The following SRBD1 variants were observed in gnomAD, a reference collection of about 807,000 sequenced individuals.
SRBD1 encodes S1 RNA binding domain 1.
A neutral mutation model predicts 115.3 loss-of-function variants in SRBD1; 88 were observed. That is an observed-to-expected ratio of 0.76 (90% CI 0.64 to 0.91). SRBD1 has a LOEUF of 0.91. Ranked by LOEUF, SRBD1 falls within the 40% of genes least tolerant of loss-of-function variation. The probability of loss-of-function intolerance (pLI) is 0.00; values close to 1 mark genes in which losing one functional copy is unlikely to be tolerated. For missense variants in SRBD1, 1,385 were observed against 1,177.4 expected (o/e 1.18, Z -2.58); for synonymous variants, 509 against 407.7 (o/e 1.25, Z -2.99).
chr2:45,414,757 C>T (rs1476115), intron 18 of SRBD1, among the ~76,000 whole-genome samples: 555 of 48,152 alleles, frequency 0.012, 14 homozygotes, highest in East Asian at 0.032. Context: ...TACACACACA[C>T]AGTGTGTATA....
At chr2:45,402,866 C>T (rs1166419071) in intron 19 of SRBD1, among the ~76,000 whole-genome samples, 1 of 152,116 alleles carries the variant, frequency 6.6e-6, no homozygotes, top group Non-Finnish European at 1.5e-5. Context: ...AAGAGGAAAT[C>T]GGATACCTGC....
intron 18 of SRBD1, among the ~76,000 whole-genome samples, chr2:45,414,597 ATAGT>A (rs751499302): frequency 1.5e-4 from 22 of 145,824 alleles, no homozygotes; most frequent in South Asian, 6.4e-4. Context: ...GTGTGTACAC[ATAGT>A]GTGTATAGTG....
At chr2:45,597,589 G>T (rs62128607) in intron 4 of SRBD1, among the ~76,000 whole-genome samples, 4,759 of 152,230 alleles carry the variant, frequency 0.031, 104 homozygotes, top group Non-Finnish European at 0.049. Flanking sequence ...AGAAGCAGCA[G>T]AAATTGGTGA....
chr2:45,416,440 AAGCTTCATCAAT>A (rs149645826), intron 18 of SRBD1, among the ~76,000 whole-genome samples: 6,896 of 152,278 alleles, frequency 0.045, 306 homozygotes, highest in East Asian at 0.14. Flanking sequence ...GCTTTAAAAT[AAGCTTCATCAAT>A]AAGACACTGA....
In SRBD1 at chr2:45,578,971, T is replaced by C. The variant is rs915942192; in HGVS notation, c.1072+904A>G. Among the ~76,000 whole-genome samples the C allele has an allele frequency of 2.0e-5, 3 of 152,210 alleles. No individual in the cohort carries two copies. In the Middle Eastern group the frequency reaches 0.01, roughly 518 times the overall value. The stretch of plus-strand genomic sequence containing the variant: ...GTATTAATATATGTATATCAAAACA[T>C]CATGTTGCACATGTTAACTATATAA... On this transcript the variant is annotated intron_variant, in intron 7 of 20. Coordinates refer to ENST00000263736, the MANE Select transcript of SRBD1 (RefSeq NM_018079.5).
chr2:45,419,596 T>C (rs572114509), intron 17 of SRBD1, among the ~76,000 whole-genome samples, 192 bp downstream of exon 17: 6 of 152,334 alleles, frequency 3.9e-5, no homozygotes, highest in Non-Finnish European at 5.9e-5. Context: ...ATATTAAAAA[T>C]GATAATGTGA....
chr2:45,598,760 G>C (rs1239728679), intron 4 of SRBD1, among the ~76,000 whole-genome samples: 1 of 152,128 alleles, frequency 6.6e-6, no homozygotes, highest in Non-Finnish European at 1.5e-5. Context: ...GCAAGGGAAA[G>C]AGTACACAAT....
At chr2:45,433,528 C>G (rs1379759325) in intron 16 of SRBD1, among the ~76,000 whole-genome samples, 1 of 152,134 alleles carries the variant, frequency 6.6e-6, no homozygotes, top group Non-Finnish European at 1.5e-5. Context: ...CTTTGATTGA[C>G]ATGTGACAGT....
intron 9 of SRBD1, among the ~76,000 whole-genome samples, chr2:45,563,009 T>TA (rs1410137104): frequency 6.6e-6 from 1 of 152,240 alleles, no homozygotes; most frequent in South Asian, 2.1e-4. Flanking sequence ...TTTGATGATC[T>TA]AAAAATCTCA....
intron 9 of SRBD1, 76 bp from the exon 10 acceptor site, chr2:45,562,832 G>A: frequency 1.2e-6 from 1 of 862,966 alleles, no homozygotes; most frequent in Non-Finnish European, 1.8e-6. Flanking sequence ...GTAGCTGACA[G>A]CTATATGAAT....
At chr2:45,510,716 TC>T (rs1670939647) in intron 14 of SRBD1, among the ~76,000 whole-genome samples, 1 of 152,216 alleles carries the variant, frequency 6.6e-6, no homozygotes, top group Non-Finnish European at 1.5e-5. Flanking sequence ...TCAAATTCTG[TC>T]CCTAAGGATT....
At chr2:45,582,483 A>G (rs900218203) in intron 5 of SRBD1, among the ~76,000 whole-genome samples, 1 of 152,164 alleles carries the variant, frequency 6.6e-6, no homozygotes, top group Non-Finnish European at 1.5e-5. Flanking sequence ...TCTTGTAATT[A>G]TAAGTATTTT....
chr2:45,573,820 A>G (rs1673093944), intron 8 of SRBD1, among the ~76,000 whole-genome samples: 1 of 152,212 alleles, frequency 6.6e-6, no homozygotes, highest in South Asian at 2.1e-4. Flanking sequence ...AACCTGAGCA[A>G]TTATTTTGCT....
chr2:45,588,136 T>C (rs1673604017), intron 4 of SRBD1, among the ~76,000 whole-genome samples: 1 of 152,242 alleles, frequency 6.6e-6, no homozygotes, highest in African/African-American at 2.4e-5. Flanking sequence ...ATCCACTCTG[T>C]CTCATCTATT....
At chr2:45,409,083 G>T (rs534669119) in intron 19 of SRBD1, among the ~76,000 whole-genome samples, 6 of 152,214 alleles carry the variant, frequency 3.9e-5, no homozygotes, top group South Asian at 2.1e-4. Context: ...GCCGGGCATG[G>T]TGGCACAGCA....
intron 9 of SRBD1, among the ~76,000 whole-genome samples, chr2:45,571,398 T>C (rs970598555): frequency 4.6e-5 from 5 of 108,288 alleles, no homozygotes; most frequent in African/African-American, 2.8e-4. Flanking sequence ...ACAAAAATAC[T>C]TAGAAAAGTC....
chr2:45,553,393 T>C (rs1672364935), intron 11 of SRBD1, among the ~76,000 whole-genome samples: 1 of 152,204 alleles, frequency 6.6e-6, no homozygotes. Context: ...GGGGTACACA[T>C]TAAGTGGTCA....
At chr2:45,552,268 T>G (rs1220890469) in intron 11 of SRBD1, among the ~76,000 whole-genome samples, 1 of 152,242 alleles carries the variant, frequency 6.6e-6, no homozygotes, top group Non-Finnish European at 1.5e-5. Flanking sequence ...AGGTTAAGTA[T>G]TCCTATCAGG....
intron 16 of SRBD1, among the ~76,000 whole-genome samples, chr2:45,446,961 C>T (rs990874462): frequency 6.6e-5 from 10 of 152,272 alleles, no homozygotes; most frequent in African/African-American, 1.9e-4. Context: ...ACATTTACTT[C>T]CTATACACCT....
Sources: gnomAD v4.1 joint callset for allele counts (sites outside exome capture counted in the v4.1 genomes callset) on GRCh38, gnomAD v4.1.1 for gene constraint, MANE v1.5 for transcripts, NCBI Gene and HGNC (gene_info 2026-07-23, HGNC 2026-07-21) for gene names.